NUP155: variants seen among roughly 807,000 people sequenced by gnomAD.
The protein encoded by NUP155 is nucleoporin 155.
Under a neutral mutation model 180.4 loss-of-function variants are expected in NUP155, and 71 were observed. The ratio of observed to expected loss-of-function variants is 0.39; its 90% confidence interval spans 0.33 to 0.48. The LOEUF is 0.48. NUP155 is among the 20% of genes least tolerant of loss of function. The pLI is 0.91. For missense variants in NUP155, 1,553 were observed against 1,648.9 expected, an observed-to-expected ratio of 0.94 and a Z score of 1.01; for synonymous variants, 582 against 559.5, an observed-to-expected ratio of 1.04 and a Z score of -0.57.
intron 21 of NUP155, among the ~76,000 whole-genome samples, chr5:37,315,836 G>A (rs1214793026): frequency 2.0e-5 from 3 of 152,146 alleles, no homozygotes; most frequent in Non-Finnish European, 4.4e-5. Context: ...ACAGCTACTC[G>A]GGAGGCTGAG....
At chr5:37,296,024 C>T (rs1416908287) in intron 32 of NUP155, among the ~76,000 whole-genome samples, 24 of 144,440 alleles carry the variant, frequency 1.7e-4, no homozygotes, top group South Asian at 6.9e-4. Flanking sequence ...GCCCCCCGCC[C>T]GGCCAGCCGC....
Position 37,364,272 on chromosome 5 carries a change from T to C in NUP155, c.270A>G (p.Pro90=), listed in dbSNP as rs766067006. 3 of 1,613,082 alleles carry C rather than the reference T, an allele frequency of 1.9e-6. No individual in the cohort carries two copies. The highest frequency in any genetic ancestry group is 1.7e-5 in the Admixed American group (1 of 59,986). Residue 90 remains proline, a synonymous_variant, in exon 2 of 35, where the codon CCA becomes CCG. Transcript: ENST00000231498. ...GTCCAAACTGCTCAACAAGTTCAGG[T>C]GGGAGAGGAACTCTTCGGATGGAAC... ...EISSIRRVPL[P]PELVEQFGHM... is the part of the protein sequence containing the mutation.
rs1015654847 is a variant in NUP155 at position 37,288,277 on chromosome 5, A to G, written c.*3623T>C. Reference sequence around the variant, plus strand: ...CTTGATACAACTCTGTACCATGGTCATAATTTTTCCGTCTCATGAATAGGA... The same window carrying G: ...CTTGATACAACTCTGTACCATGGTCGTAATTTTTCCGTCTCATGAATAGGA... On this transcript the variant is annotated 3_prime_UTR_variant, in exon 35 of 35. Coordinates refer to ENST00000231498, the MANE Select transcript of NUP155 (RefSeq NM_153485.3). 2.0e-4 allele frequency: 30 copies of G among 152,188 alleles called. No individual in the cohort carries two copies. The highest frequency in any genetic ancestry group is 1.6e-4 in the Non-Finnish European group (11 of 68,042). The allele number at this position is 152,188 out of a possible 1,614,324, so 9.4% of individuals were successfully genotyped here.
rs1171651943 is a variant in NUP155, at chr5:37,341,097, A to G, written c.1239T>C (p.Tyr413=). The change falls in exon 11 of 35, where the codon TAT becomes TAC. Residue 413 remains tyrosine, a synonymous_variant. Transcript: ENST00000231498. ...EKPSKVHRAL[Y]SKGILLMAAS... is the part of the protein sequence containing the mutation. ...TAGTATTTCAGAACTTACCTTTACTATAAAGAGCTCTATGTACTTTTGAAG... is the reference window on the plus strand; with the variant it reads ...TAGTATTTCAGAACTTACCTTTACTGTAAAGAGCTCTATGTACTTTTGAAG... 2 of 1,610,594 alleles carry G rather than the reference A, an allele frequency of 1.2e-6. No individual in the cohort carries two copies. The highest frequency in any genetic ancestry group is 1.7e-6 in the Non-Finnish European group (2 of 1,176,828).
chr5:37,329,734 T>C (rs1040355739), intron 15 of NUP155, among the ~76,000 whole-genome samples: 5 of 152,162 alleles, frequency 3.3e-5, no homozygotes, highest in Non-Finnish European at 5.9e-5. Context: ...AGAATTGGCA[T>C]AGTGTTTGGG....
chr5:37,358,015 C>T, intron 4 of NUP155, 66 bp downstream of exon 4: 1 of 1,101,400 alleles, frequency 9.1e-7, no homozygotes. Flanking sequence ...TGTTGTTGTT[C>T]AGGTCTATAC....
intron 24 of NUP155, 30 bp from the exon 25 acceptor site, chr5:37,307,462 T>C: frequency 6.2e-7 from 1 of 1,611,072 alleles, no homozygotes; most frequent in Non-Finnish European, 8.5e-7. Context: ...TGAAGACCTA[T>C]GACTTACTAC....
rs1745122118 is a variant in NUP155, at chr5:37,333,628, T to C, written c.1353A>G (p.Thr451=). 6.2e-7 allele frequency: 1 copy of C among 1,612,454 alleles called. No homozygotes were observed. The highest frequency in any genetic ancestry group is 8.5e-7 in the Non-Finnish European group (1 of 1,178,858). Residue 451 remains threonine, a synonymous_variant, in exon 13 of 35, where the codon ACA becomes ACG. Coordinates refer to ENST00000231498, the MANE Select transcript of NUP155 (RefSeq NM_153485.3). ...FQKPMMETQM[T]AGVDGHSWAL... ...CCCAGGAATGACCATCAACACCAGC[T>C]GTCATCTATGTAAAAGAAATAAATG... is the stretch of plus-strand genomic sequence containing the variant.
chr5:37,324,562 C>T (rs1744458724), intron 19 of NUP155, among the ~76,000 whole-genome samples: 1 of 146,086 alleles, frequency 6.8e-6, no homozygotes, highest in African/African-American at 2.5e-5. Flanking sequence ...GAAACTTGAA[C>T]TTTTTTTTTT....
rs749163402 is a variant in NUP155 at position 37,310,629 on chromosome 5, C to G, written c.2551G>C (p.Ala851Pro). The G allele has an allele frequency of 1.1e-5, 18 of 1,612,858 alleles. No individual in the cohort carries two copies. Among genetic ancestry groups the G allele is most frequent in the Non-Finnish European group, 1.4e-5 (17 of 1,179,134 alleles). The change falls in exon 23 of 35, where the codon GCT becomes CCT. Residue 851 changes from alanine to proline, a missense_variant. Transcript: ENST00000231498. The stretch of plus-strand genomic sequence containing the variant: ...AAATGTAAACTAATGCCATCAACAG[C>G]GGCATTATCTCTGATGTAGCAGTTG... ...LINCYIRDNA[A>P]VDGISLHLQD...
At chr5:37,348,821 T>C (rs1037379095) in intron 8 of NUP155, among the ~76,000 whole-genome samples, 2 of 151,962 alleles carry the variant, frequency 1.3e-5, no homozygotes, top group African/African-American at 4.8e-5. Flanking sequence ...AAAGGCATGA[T>C]CTCGGCTCAC....
chr5:37,334,094 C>T (rs967428529), intron 12 of NUP155, among the ~76,000 whole-genome samples: 9 of 151,694 alleles, frequency 5.9e-5, no homozygotes, highest in African/African-American at 2.2e-4. Context: ...AGCCACCACA[C>T]CTGGCCTCTG....
rs958721409 is a variant in NUP155, at chr5:37,301,197, C to A, written c.3561+240G>T. The stretch of plus-strand genomic sequence containing the variant: ...TGGAAATAAGCTGGTTTTAACACAG[C>A]TCTCATGCGAGGATGATAGGTTCTT... On this transcript the variant is annotated intron_variant, in intron 30 of 34. Transcript: ENST00000231498. 18 of 437,298 alleles carry A rather than the reference C, an allele frequency of 4.1e-5. No homozygotes were observed. In the Admixed American group the frequency reaches 6.2e-4, roughly 15 times the overall value. 27.1% of individuals were successfully genotyped at this position (437,298 alleles called of 1,614,324 possible). A position where few individuals can be genotyped will look rare whatever the true frequency, so the allele number is the denominator to read the frequency against.
At chr5:37,332,460 T>C (rs1471187770) in intron 13 of NUP155, among the ~76,000 whole-genome samples, 1 of 151,794 alleles carries the variant, frequency 6.6e-6, no homozygotes, top group Non-Finnish European at 1.5e-5. Flanking sequence ...TAGCTGTGAC[T>C]ACAGGCGCCC....
intron 13 of NUP155, among the ~76,000 whole-genome samples, chr5:37,333,105 AG>A (rs1745088287): frequency 6.6e-6 from 1 of 152,344 alleles, no homozygotes; most frequent in South Asian, 2.1e-4. Context: ...CTGTAATCCC[AG>A]AACTTTGGGA....
chr5:37,329,107 A>G (rs1744790189), intron 16 of NUP155, 83 bp downstream of exon 16: 1 of 936,184 alleles, frequency 1.1e-6, no homozygotes, highest in Admixed American at 1.8e-5. Context: ...AACATAATGA[A>G]AAGGCTTATT....
At chr5:37,302,189 G>A (rs777232448) in intron 29 of NUP155, among the ~76,000 whole-genome samples, 3 of 152,166 alleles carry the variant, frequency 2.0e-5, no homozygotes, top group Non-Finnish European at 2.9e-5. Context: ...TGAATGTGAT[G>A]TAATCCACTT....
chr5:37,295,620 G>A (rs1306555842), intron 32 of NUP155, among the ~76,000 whole-genome samples: 6 of 128,422 alleles, frequency 4.7e-5, no homozygotes, highest in South Asian at 2.5e-4. Context: ...CTTCCCGGCC[G>A]CCATCCCATC....
intron 21 of NUP155, among the ~76,000 whole-genome samples, chr5:37,317,294 A>G (rs903707492): frequency 3.3e-5 from 5 of 152,144 alleles, no homozygotes; most frequent in African/African-American, 9.7e-5. Context: ...GTTCGAGACC[A>G]GCCTGACCAA....
Sources: gnomAD v4.1 joint callset for allele counts (sites outside exome capture counted in the v4.1 genomes callset) on GRCh38, gnomAD v4.1.1 for gene constraint, MANE v1.5 for transcripts, NCBI Gene and HGNC (gene_info 2026-07-23, HGNC 2026-07-21) for gene names.